The following RBM26 variants were observed in gnomAD, a reference collection of about 807,000 sequenced individuals.
The protein encoded by RBM26 is RNA-binding protein 26.
A neutral mutation model predicts 123.6 loss-of-function variants in RBM26; 30 were observed. That is an observed-to-expected ratio of 0.24 (90% CI 0.18 to 0.33). The LOEUF (loss-of-function observed/expected upper bound fraction) is 0.33. RBM26 is among the 10% of genes least tolerant of loss of function. The probability of loss-of-function intolerance (pLI) is 1.00; values close to 1 mark genes in which losing one functional copy is unlikely to be tolerated. For synonymous variants in RBM26, 400 were observed against 404.4 expected (o/e 0.99, Z 0.13); for missense variants, 947 against 1,203.6 (o/e 0.79, Z 3.15).
chr13:79,384,164 T>G (rs2077288033), intron 1 of RBM26, among the ~76,000 whole-genome samples: 1 of 152,146 alleles, frequency 6.6e-6, no homozygotes, highest in African/African-American at 2.4e-5. Context: ...ATGAAGTCAT[T>G]CACATCAATG....
At chr13:79,339,945 A>C (rs2071084904) in intron 18 of RBM26, among the ~76,000 whole-genome samples, 1 of 152,150 alleles carries the variant, frequency 6.6e-6, no homozygotes, top group Non-Finnish European at 1.5e-5. Flanking sequence ...TGATAAAGGA[A>C]AAACAGAAAA....
chr13:79,356,582 GAA>G (rs561972214), intron 11 of RBM26, among the ~76,000 whole-genome samples: 27 of 152,130 alleles, frequency 1.8e-4, no homozygotes, highest in Middle Eastern at 6.8e-3. Flanking sequence ...TACACAGTCA[GAA>G]GTATTCAATA....
chr13:79,377,675 C>T (rs779046603), intron 2 of RBM26, among the ~76,000 whole-genome samples, 160 bp from the exon 3 acceptor site: 3 of 152,110 alleles, frequency 2.0e-5, no homozygotes, highest in Non-Finnish European at 4.4e-5. Flanking sequence ...GTCTGTAATC[C>T]CAGCACTTTG....
chr13:79,370,902 CA>C (rs1566491575), intron 5 of RBM26, 42 bp downstream of exon 5: 1 of 1,564,886 alleles, frequency 6.4e-7, no homozygotes, highest in Admixed American at 1.8e-5. Context: ...AACATTTAAA[CA>C]TGGAGTTTTT....
chr13:79,397,119 T>C (rs896227744), intron 1 of RBM26, among the ~76,000 whole-genome samples: 33 of 152,144 alleles, frequency 2.2e-4, no homozygotes, highest in African/African-American at 5.6e-4. Flanking sequence ...AGGTGGAGGT[T>C]GCAGTGAGTC....
intron 14 of RBM26, among the ~76,000 whole-genome samples, chr13:79,348,141 T>C (rs1416868786): frequency 6.6e-6 from 1 of 152,148 alleles, no homozygotes. Flanking sequence ...ATGTATTTCA[T>C]GTATCACTGG....
chr13:79,398,700 C>T (rs4605023), intron 1 of RBM26, among the ~76,000 whole-genome samples: 73,123 of 151,800 alleles, frequency 0.48, 18,142 homozygotes, highest in East Asian at 0.72. Context: ...TGACCTTTCC[C>T]TCTCAAAGAA....
At chr13:79,400,197 C>T (rs769819829) in intron 1 of RBM26, among the ~76,000 whole-genome samples, 7 of 152,136 alleles carry the variant, frequency 4.6e-5, no homozygotes, top group Non-Finnish European at 8.8e-5. Flanking sequence ...ACAAAGAAAA[C>T]CATTCATGGG....
At chr13:79,403,822 A>G (rs2079263163) in intron 1 of RBM26, among the ~76,000 whole-genome samples, 1 of 152,198 alleles carries the variant, frequency 6.6e-6, no homozygotes, top group Non-Finnish European at 1.5e-5. Flanking sequence ...CAGTGAAACT[A>G]TTTTGCTAAG....
chr13:79,381,012 T>C (rs1045880449), intron 1 of RBM26, among the ~76,000 whole-genome samples: 1 of 152,134 alleles, frequency 6.6e-6, no homozygotes, highest in Non-Finnish European at 1.5e-5. Flanking sequence ...TTTTACAAGT[T>C]AGAGTAACTA....
At chr13:79,398,399 A>C (rs1010035026) in intron 1 of RBM26, among the ~76,000 whole-genome samples, 17 of 152,336 alleles carry the variant, frequency 1.1e-4, no homozygotes, top group Admixed American at 3.9e-4. Flanking sequence ...AAACATACAG[A>C]AAAAAAGTGC....
intron 12 of RBM26, 82 bp from the exon 13 acceptor site, chr13:79,354,652 G>C (rs1044938760): frequency 1.7e-5 from 22 of 1,267,904 alleles, no homozygotes; most frequent in Admixed American, 2.8e-5. Context: ...TTACTACATT[G>C]CCCATGCAGA....
At chr13:79,318,690 T>G, downstream of RBM26, 5 of 597,980 alleles carry the variant, frequency 8.4e-6, no homozygotes, top group Non-Finnish European at 8.4e-6. Flanking sequence ...GAATATGTAT[T>G]TTCAGTTACA....
intron 20 of RBM26, among the ~76,000 whole-genome samples, chr13:79,333,031 A>C (rs1273105497): frequency 6.6e-6 from 1 of 152,180 alleles, no homozygotes; most frequent in Non-Finnish European, 1.5e-5. Context: ...CATAAAACAT[A>C]AAACTACCTA....
At chr13:79,323,813 T>A (rs1219031449) in intron 20 of RBM26, among the ~76,000 whole-genome samples, 2 of 151,752 alleles carry the variant, frequency 1.3e-5, no homozygotes, top group African/African-American at 4.8e-5. Flanking sequence ...AAACTTTTTA[T>A]TAACATTGCT....
chr13:79,343,477 T>C (rs2071773926), intron 16 of RBM26, among the ~76,000 whole-genome samples: 1 of 151,896 alleles, frequency 6.6e-6, no homozygotes, highest in African/African-American at 2.4e-5. Flanking sequence ...AACTTTAAAT[T>C]AGAAAAGACA....
At chr13:79,360,889 TA>T (rs1344658645) in intron 9 of RBM26, among the ~76,000 whole-genome samples, 3 of 152,142 alleles carry the variant, frequency 2.0e-5, no homozygotes, top group Non-Finnish European at 2.9e-5. Context: ...AAATGTAACT[TA>T]AAAACTCCTT....
intron 20 of RBM26, among the ~76,000 whole-genome samples, chr13:79,333,558 CT>C: frequency 6.6e-6 from 1 of 152,304 alleles, no homozygotes; most frequent in African/African-American, 2.4e-5. Flanking sequence ...TCTTTCATTG[CT>C]TTCATTTGGA....
At chr13:79,352,084 T>C (rs1220664479) in intron 14 of RBM26, among the ~76,000 whole-genome samples, 1 of 152,182 alleles carries the variant, frequency 6.6e-6, no homozygotes, top group Non-Finnish European at 1.5e-5. Flanking sequence ...ATGCCCGAAG[T>C]AATGCTGAGA....
Sources: gnomAD v4.1 joint callset for allele counts (sites outside exome capture counted in the v4.1 genomes callset) on GRCh38, gnomAD v4.1.1 for gene constraint, MANE v1.5 for transcripts, NCBI Gene and HGNC (gene_info 2026-07-23, HGNC 2026-07-21) for gene names.